DHX9: variants seen among roughly 807,000 people sequenced by gnomAD.
DHX9 encodes DExH-box helicase 9, also known as ATP-dependent RNA helicase A.
Under a neutral mutation model 148.7 loss-of-function variants are expected in DHX9, and 27 were observed. The ratio of observed to expected loss-of-function variants is 0.18; its 90% CI spans 0.13 to 0.25. The LOEUF (loss-of-function observed/expected upper bound fraction) is 0.25, where lower values mean the gene tolerates loss of function less well. DHX9 is among the 10% of genes least tolerant of loss of function. The probability of loss-of-function intolerance (pLI) is 1.00; values close to 1 mark genes in which losing one functional copy is unlikely to be tolerated. For synonymous variants in DHX9, 529 were observed against 516.6 expected, an observed-to-expected ratio of 1.02 and a Z score of -0.33; for missense variants, 796 against 1,559.6, an observed-to-expected ratio of 0.51 and a Z score of 8.25.
Position 182,883,534 on chromosome 1 carries a change from C to T in DHX9, c.3159C>T (p.Ala1053=), listed in dbSNP as rs1278239498. 2 of 1,613,362 alleles carry T rather than the reference C, an allele frequency of 1.2e-6. No individual in the cohort carries two copies. Among genetic ancestry groups the T allele is most frequent in the Non-Finnish European group, 1.7e-6 (2 of 1,179,800 alleles). ...FVFGEKIRTR[A]ISAKGMTLVT... ...TCCATTTGCAGATTCGAACTCGAGC[C>T]ATCTCTGCTAAAGGCATGACTTTAG... Residue 1053 remains alanine (A), a synonymous_variant, in exon 26 of 28, where the codon GCC becomes GCT. Coordinates refer to ENST00000367549, the MANE Select transcript of DHX9 (RefSeq NM_001357.5).
chr1:182,871,753 A>G (rs1284076557), intron 14 of DHX9, among the ~76,000 whole-genome samples: 1 of 152,230 alleles, frequency 6.6e-6, no homozygotes, highest in Non-Finnish European at 1.5e-5. Flanking sequence ...ATAAAAAAGG[A>G]AATCCCAAGA....
rs1322249276 is a variant in DHX9 at position 182,877,862 on chromosome 1, C to CA, written c.2199-158dup. The CA allele has an allele frequency of 1.3e-5, 10 of 798,156 alleles. No individual in the cohort carries two copies. In the East Asian group the frequency reaches 2.8e-4, roughly 22 times the overall value. The allele number at this position is 798,156 out of a possible 1,614,324, so 49.4% of individuals were successfully genotyped here. Reference sequence around the variant, plus strand: ...TAGTAGGTTGACAACTAGGAGTTTGCAGTCAGATTGCTGATTCTTACTTGT... The same window carrying CA: ...TAGTAGGTTGACAACTAGGAGTTTGCAAGTCAGATTGCTGATTCTTACTTGT... On this transcript the variant is annotated intron_variant, in intron 19 of 27. Coordinates refer to ENST00000367549, the MANE Select transcript of DHX9 (RefSeq NM_001357.5).
chr1:182,884,900 C>T lies in DHX9; in HGVS notation c.3461+87C>T, dbSNP rs1229720049. The T allele has an allele frequency of 1.0e-5, 13 of 1,267,604 alleles. No homozygotes were observed. The East Asian group carries it at 2.6e-4, about 25-fold the overall frequency. 78.5% of individuals were successfully genotyped at this position (1,267,604 alleles called of 1,614,324 possible). ...AATTCCTGAAGTTAGTGATAGAAGC[C>T]CTATTACTTAAGTAAAATTCTAGAT... On this transcript the variant is annotated intron_variant, in intron 27 of 27. Transcript: ENST00000367549.
intron 3 of DHX9, among the ~76,000 whole-genome samples, chr1:182,850,406 G>A (rs1204828306): frequency 6.6e-6 from 1 of 152,002 alleles, no homozygotes; most frequent in East Asian, 1.9e-4. Flanking sequence ...ACCAGCCTCA[G>A]CAACATAGAC....
chr1:182,864,540 A>G (rs909555157), intron 12 of DHX9, among the ~76,000 whole-genome samples: 2 of 152,228 alleles, frequency 1.3e-5, no homozygotes, highest in African/African-American at 2.4e-5. Flanking sequence ...CTGAAGAAAA[A>G]TGACAGATTT....
At chr1:182,869,722 A>G (rs1275789651) in intron 14 of DHX9, among the ~76,000 whole-genome samples, 1 of 152,140 alleles carries the variant, frequency 6.6e-6, no homozygotes, top group African/African-American at 2.4e-5. Context: ...CGATTCTCCT[A>G]CGAGTAGCTG....
intron 6 of DHX9, among the ~76,000 whole-genome samples, chr1:182,856,311 A>G (rs1047993258): frequency 6.6e-6 from 1 of 152,230 alleles, no homozygotes; most frequent in African/African-American, 2.4e-5. Context: ...TTCATGAACA[A>G]TTGGCTCATC....
rs1172023063 is a variant in DHX9 at position 182,858,211 on chromosome 1, G to C, written c.781G>C (p.Gly261Arg). 1 of 1,614,022 alleles carries C rather than the reference G, an allele frequency of 6.2e-7. No individual in the cohort carries two copies. Residue 261 changes from glycine to arginine, a missense_variant, in exon 8 of 28, where the codon GGA (glycine) becomes CGA (arginine). Transcript: ENST00000367549. ...TCTTGGAGTGGTTGAAGCTTACTCCGGACTTACAAAGAAGAAGGAAGGAGA... is the reference window on the plus strand; with the variant it reads ...TCTTGGAGTGGTTGAAGCTTACTCCCGACTTACAAAGAAGAAGGAAGGAGA... ...YHLGVVEAYS[G>R]LTKKKEGETV...
At chr1:182,846,622 A>G (rs1668034779) in intron 3 of DHX9, among the ~76,000 whole-genome samples, 1 of 152,154 alleles carries the variant, frequency 6.6e-6, no homozygotes, top group African/African-American at 2.4e-5. Context: ...ACTCTCTCCC[A>G]TATGTAATGT....
At chr1:182,865,371 A>C (rs1230211851) in intron 12 of DHX9, among the ~76,000 whole-genome samples, 2 of 152,220 alleles carry the variant, frequency 1.3e-5, no homozygotes, top group African/African-American at 4.8e-5. Context: ...GTGCGTGTAT[A>C]TATAATGTGT....
At chr1:182,880,753 G>A in intron 22 of DHX9, 145 bp downstream of exon 22, 1 of 601,440 alleles carries the variant, frequency 1.7e-6, no homozygotes, top group Non-Finnish European at 3.0e-6. Flanking sequence ...GATATTGAGA[G>A]CAGTGTAACA....
At chr1:182,866,190 A>C (rs762230357) in intron 12 of DHX9, among the ~76,000 whole-genome samples, 4 of 152,160 alleles carry the variant, frequency 2.6e-5, no homozygotes, top group Non-Finnish European at 5.9e-5. Flanking sequence ...CCTGTTTCCT[A>C]CTGGAAAATC....
chr1:182,848,469 G>C (rs1668071652), intron 3 of DHX9, among the ~76,000 whole-genome samples: 1 of 152,150 alleles, frequency 6.6e-6, no homozygotes, highest in Non-Finnish European at 1.5e-5. Flanking sequence ...TTGTTTCATT[G>C]TATTAGAATG....
Position 182,872,360 on chromosome 1 carries a change from G to A in DHX9, c.1581G>A (p.Leu527=), listed in dbSNP as rs540519177. The change falls in exon 15 of 28, where the codon CTG becomes CTA. Residue 527 remains leucine (L), a synonymous_variant. Coordinates refer to ENST00000367549, the MANE Select transcript of DHX9 (RefSeq NM_001357.5). ...DINTDFLLVV[L]RDVVQAYPEV... Reference sequence around the variant, plus strand: ...AGACTGACTTCCTTTTGGTAGTACTGCGTGATGTTGTTCAGGCTTATCCTG... The same window carrying A: ...AGACTGACTTCCTTTTGGTAGTACTACGTGATGTTGTTCAGGCTTATCCTG... The A allele has an allele frequency of 3.1e-6, 5 of 1,612,740 alleles. No homozygotes were observed. The highest frequency in any genetic ancestry group is 1.3e-5 in the African/African-American group (1 of 74,940).
intron 3 of DHX9, among the ~76,000 whole-genome samples, chr1:182,847,312 T>C (rs1668049934): frequency 6.6e-6 from 1 of 152,258 alleles, no homozygotes; most frequent in East Asian, 1.9e-4. Flanking sequence ...TGGAATATTA[T>C]GCTGTGGAGA....
chr1:182,869,443 T>A (rs1237576944), intron 14 of DHX9, among the ~76,000 whole-genome samples: 1 of 152,102 alleles, frequency 6.6e-6, no homozygotes, highest in Non-Finnish European at 1.5e-5. Flanking sequence ...GGTCTGGTCC[T>A]GTCTTATCTG....
intron 3 of DHX9, among the ~76,000 whole-genome samples, chr1:182,850,767 GA>G (rs1309316543): frequency 1.3e-5 from 2 of 152,022 alleles, no homozygotes; most frequent in African/African-American, 4.8e-5. Flanking sequence ...TAACCTACTT[GA>G]AAAAGTATTT....
At chr1:182,881,095 T>G (rs929187563) in intron 22 of DHX9, among the ~76,000 whole-genome samples, 169 bp from the exon 23 acceptor site, 2 of 152,232 alleles carry the variant, frequency 1.3e-5, no homozygotes, top group Non-Finnish European at 2.9e-5. Context: ...TTTTTTTCTT[T>G]CTGATTCTGA....
chr1:182,847,133 CT>C (rs1454568493), intron 3 of DHX9, among the ~76,000 whole-genome samples: 1 of 150,414 alleles, frequency 6.6e-6, no homozygotes, highest in Admixed American at 6.6e-5. Context: ...ATATGGATTT[CT>C]TTTATGTCAT....
Sources: allele counts gnomAD v4.1 joint callset (sites outside exome capture counted in the v4.1 genomes callset), GRCh38; gene constraint gnomAD v4.1.1; transcripts MANE v1.5; gene names NCBI Gene and HGNC (gene_info 2026-07-23, HGNC 2026-07-21).